Variants in SLC25A48 observed in about 807,000 individuals in gnomAD.
SLC25A48 encodes CTC-321K16.1.
Under a neutral mutation model 32.2 loss-of-function variants are expected in SLC25A48, and 29 were observed. The ratio of observed to expected loss-of-function variants is 0.90; its 90% CI spans 0.67 to 1.23. The LOEUF is 1.23. Among genes scored for constraint, SLC25A48 ranks in the 50% most tolerant of loss-of-function variants. The pLI is 0.00. For synonymous variants in SLC25A48, 164 were observed against 172.3 expected (o/e 0.95, Z 0.38); for missense variants, 399 against 422.7 (o/e 0.94, Z 0.49).
At chr5:135,814,687 G>C (rs1357266781) in intron 4 of SLC25A48, among the ~76,000 whole-genome samples, 1 of 152,240 alleles carries the variant, frequency 6.6e-6, no homozygotes, top group East Asian at 1.9e-4. Context: ...GCATCTCCAG[G>C]ATGGTGCTCT....
chr5:135,831,357 C>T (rs1758204716), upstream of SLC25A48, among the ~76,000 whole-genome samples: 1 of 152,254 alleles, frequency 6.6e-6, no homozygotes, highest in Non-Finnish European at 1.5e-5. Flanking sequence ...GCCCATCAGG[C>T]CTGCGCCAGG....
chr5:135,810,072 G>C (rs781073986), intron 3 of SLC25A48, among the ~76,000 whole-genome samples: 1 of 152,142 alleles, frequency 6.6e-6, no homozygotes, highest in Non-Finnish European at 1.5e-5. Flanking sequence ...TCCTGTACTC[G>C]AGTGATCCTC....
In SLC25A48 at chr5:135,674,200, G is replaced by A. The variant is rs570019350; in HGVS notation, c.-521+39244G>A. Among the ~76,000 whole-genome samples, 8 of 152,010 alleles carry A rather than the reference G, an allele frequency of 5.3e-5. No homozygotes were observed. In the South Asian group the frequency reaches 1.7e-3, roughly 31 times the overall value. On this transcript the variant is annotated intron_variant, in intron 3 of 10. Transcript: ENST00000646290. ...AGGTACATGTGATATTGTGTTACGT[G>A]CACAGACTGTATAATAATCAAGTCA...
intron 4 of SLC25A48, among the ~76,000 whole-genome samples, chr5:135,828,636 A>G (rs1223790516): frequency 6.6e-6 from 1 of 152,214 alleles, no homozygotes; most frequent in African/African-American, 2.4e-5. Flanking sequence ...CAGCCTCAGC[A>G]TGGGCTATGG....
chr5:135,881,181 A>T (rs1020366548), intron 7 of SLC25A48, among the ~76,000 whole-genome samples: 5 of 152,252 alleles, frequency 3.3e-5, no homozygotes, highest in African/African-American at 1.2e-4. Context: ...TGCAAAGCTC[A>T]GAAGACAAAG....
At chr5:135,708,700 T>A (rs1476446569) in intron 3 of SLC25A48, among the ~76,000 whole-genome samples, 1 of 152,146 alleles carries the variant, frequency 6.6e-6, no homozygotes, top group African/African-American at 2.4e-5. Flanking sequence ...ATGGAAGAAG[T>A]GGTTGCTGTG....
chr5:135,769,228 A>T (rs1308387631), intron 3 of SLC25A48, among the ~76,000 whole-genome samples: 1 of 116,184 alleles, frequency 8.6e-6, no homozygotes, highest in African/African-American at 3.1e-5. Flanking sequence ...TGTAGGGGGT[A>T]TGCAGCCCTC....
chr5:135,725,160 G>A (rs1015737719), intron 3 of SLC25A48, among the ~76,000 whole-genome samples: 1 of 152,234 alleles, frequency 6.6e-6, no homozygotes, highest in South Asian at 2.1e-4. Flanking sequence ...CTTTCAACAG[G>A]TATTTATTGA....
At chr5:135,749,652 C>T (rs1298563679) in intron 3 of SLC25A48, among the ~76,000 whole-genome samples, 1 of 152,052 alleles carries the variant, frequency 6.6e-6, no homozygotes, top group Non-Finnish European at 1.5e-5. Context: ...AGTACAATGG[C>T]ATGATCTTGG....
At chr5:135,880,153 T>G (rs1762361770) in intron 7 of SLC25A48, 56 bp downstream of exon 7, 4 of 1,505,182 alleles carry the variant, frequency 2.7e-6, no homozygotes, top group Non-Finnish European at 3.5e-6. Context: ...AAACTTTTTT[T>G]TTTTTTTATC....
At chr5:135,599,668 C>G (rs553313226) in intron 1 of SLC25A48, among the ~76,000 whole-genome samples, 1 of 152,344 alleles carries the variant, frequency 6.6e-6, no homozygotes, top group African/African-American at 2.4e-5. Flanking sequence ...CACTCCTGAC[C>G]ACAGACCAGC....
chr5:135,802,262 C>A lies in SLC25A48; in HGVS notation c.-520-10261C>A, dbSNP rs539336530. Among the ~76,000 whole-genome samples, 3 of 151,206 alleles carry A rather than the reference C, an allele frequency of 2.0e-5. No homozygotes were observed. The East Asian group carries it at 5.9e-4, about 29-fold the overall frequency. On this transcript the variant is annotated intron_variant, in intron 3 of 10. Coordinates refer to the SLC25A48 transcript ENST00000646290. Reference sequence around the variant, plus strand: ...ATGGGTGTACACCATGCATGTATACCCTGTGATATTATCTGTAATATCCTA... The same window carrying A: ...ATGGGTGTACACCATGCATGTATACACTGTGATATTATCTGTAATATCCTA...
intron 3 of SLC25A48, among the ~76,000 whole-genome samples, chr5:135,800,870 G>A (rs918147730): frequency 2.7e-5 from 4 of 149,924 alleles, no homozygotes; most frequent in African/African-American, 9.8e-5. Flanking sequence ...ATCCAGAGGG[G>A]GAGAGGATGA....
chr5:135,700,371 CAAAAAAAAAAA>C (rs34125451), intron 3 of SLC25A48, among the ~76,000 whole-genome samples: 3 of 67,952 alleles, frequency 4.4e-5, no homozygotes, highest in Non-Finnish European at 7.6e-5. Context: ...GACTCTGTCT[CAAAAAAAAAAA>C]AAAAAAAAAA....
At chr5:135,701,475 G>A (rs979084591) in intron 3 of SLC25A48, among the ~76,000 whole-genome samples, 11 of 150,870 alleles carry the variant, frequency 7.3e-5, no homozygotes, top group Middle Eastern at 3.4e-3. Flanking sequence ...ACTCCCCCCC[G>A]CCACCGGCCC....
At chr5:135,660,038 A>G (rs959218402) in intron 3 of SLC25A48, among the ~76,000 whole-genome samples, 2 of 152,218 alleles carry the variant, frequency 1.3e-5, no homozygotes, top group East Asian at 3.8e-4. Context: ...TGCACTTGAT[A>G]TTGGATGCCT....
chr5:135,586,117 A>G (rs777002119), intron 1 of SLC25A48, among the ~76,000 whole-genome samples: 7 of 152,224 alleles, frequency 4.6e-5, no homozygotes, highest in Admixed American at 6.5e-5. Flanking sequence ...GTTGCCCAAA[A>G]TAACTACCAA....
intron 3 of SLC25A48, among the ~76,000 whole-genome samples, chr5:135,770,913 A>T (rs891735154): frequency 6.6e-6 from 1 of 151,904 alleles, no homozygotes; most frequent in South Asian, 2.1e-4. Context: ...ATATCCAGAG[A>T]AAAAGAGAAT....
At chr5:135,589,594 G>A (rs1751459738) in intron 1 of SLC25A48, among the ~76,000 whole-genome samples, 1 of 152,214 alleles carries the variant, frequency 6.6e-6, no homozygotes, top group Non-Finnish European at 1.5e-5. Flanking sequence ...TGTATTTGGT[G>A]GTTGATGCAT....
Sources: gnomAD v4.1 joint callset for allele counts (sites outside exome capture counted in the v4.1 genomes callset) on GRCh38, gnomAD v4.1.1 for gene constraint, MANE v1.5 for transcripts, NCBI Gene and HGNC (gene_info 2026-07-23, HGNC 2026-07-21) for gene names.